Variants in LIMCH1 observed in about 807,000 individuals in gnomAD.
LIMCH1 encodes LIM and calponin homology domains-containing protein 1.
LIMCH1 carries 113 observed loss-of-function variants against 176.5 expected under a neutral mutation model. The ratio of observed to expected loss-of-function variants is 0.64; its 90% CI spans 0.55 to 0.75. The LOEUF (loss-of-function observed/expected upper bound fraction) is 0.75. LIMCH1 is among the 30% of genes least tolerant of loss of function. LIMCH1 has a pLI of 0.00. For missense variants in LIMCH1, 1,674 were observed against 1,814.9 expected (o/e 0.92, Z 1.41); for synonymous variants, 619 against 645.9 (o/e 0.96, Z 0.63).
chr4:41,378,194 G>A (rs1463537480), intron 1 of LIMCH1, among the ~76,000 whole-genome samples: 1 of 152,192 alleles, frequency 6.6e-6, no homozygotes, highest in African/African-American at 2.4e-5. Flanking sequence ...GGAGAGTGCT[G>A]CTGGAAGAAG....
At chr4:41,529,678 G>A (rs1279478244) in intron 3 of LIMCH1, among the ~76,000 whole-genome samples, 1 of 152,158 alleles carries the variant, frequency 6.6e-6, no homozygotes, top group South Asian at 2.1e-4. Flanking sequence ...TTGAAGATGG[G>A]ACACATTTTA....
rs568705398 is a variant in LIMCH1, at chr4:41,490,100, T to A, written c.97-4436T>A. On this transcript the variant is annotated intron_variant, in intron 1 of 26. Transcript: ENST00000313860. ...GGAGGAGGAGGGGTTGGTCTCGCTG[T>A]CTCAGGGGTGGCAGAGACAGAAGAG... Among the ~76,000 whole-genome samples, 8 of 152,036 alleles carry A rather than the reference T, an allele frequency of 5.3e-5. No homozygotes were observed. In the South Asian group the frequency reaches 1.7e-3, roughly 32 times the overall value.
intron 1 of LIMCH1, among the ~76,000 whole-genome samples, chr4:41,544,586 A>G (rs1157685514): frequency 6.6e-6 from 1 of 152,032 alleles, no homozygotes; most frequent in Non-Finnish European, 1.5e-5. Flanking sequence ...GTTTTCTATT[A>G]CCTAGTTACC....
At chr4:41,413,285 A>G (rs1279198130) in intron 1 of LIMCH1, among the ~76,000 whole-genome samples, 2 of 145,666 alleles carry the variant, frequency 1.4e-5, no homozygotes, top group Non-Finnish European at 3.0e-5. Flanking sequence ...AAGTTACCTT[A>G]TGGCCAAATG....
intron 1 of LIMCH1, among the ~76,000 whole-genome samples, chr4:41,461,407 A>G (rs1005414520): frequency 5.3e-5 from 8 of 152,208 alleles, no homozygotes; most frequent in South Asian, 2.1e-4. Flanking sequence ...TGGATGTTCT[A>G]TTGTGAGTTG....
intron 20 of LIMCH1, 103 bp downstream of exon 20, chr4:41,663,087 T>C: frequency 1.9e-6 from 2 of 1,050,848 alleles, no homozygotes; most frequent in East Asian, 5.2e-5. Flanking sequence ...AAGATTTATT[T>C]CTCTCCTCAT....
rs921694552 is a variant in LIMCH1, at chr4:41,494,601, C to G, written c.162C>G (p.Leu54=). The G allele has an allele frequency of 7.5e-6, 12 of 1,607,312 alleles. No homozygotes were observed. In the African/African-American group the frequency reaches 1.1e-4, roughly 14 times the overall value. Residue 54 remains leucine (L), a synonymous_variant, in exon 2 of 27, where the codon CTC becomes CTG. Transcript: ENST00000313860. ...CAGGTTTAGAAAATGGAATCCTCCT[C>G]TGCGAGTAAGTATAGCCTATATTCA...
chr4:41,673,755 A>G lies in LIMCH1; in HGVS notation c.3438+2161A>G, dbSNP rs570107769. Reference sequence around the variant, plus strand: ...AGGTCTTGGGGTAGATAGGAGGATGAGGGGCTCTTCCTGCCTCCTGAAGAA... The same window carrying G: ...AGGTCTTGGGGTAGATAGGAGGATGGGGGGCTCTTCCTGCCTCCTGAAGAA... On this transcript the variant is annotated intron_variant, in intron 22 of 31. Coordinates refer to ENST00000503057, the MANE Select transcript of LIMCH1 (RefSeq NM_001330672.2). Among the ~76,000 whole-genome samples, 4 of 152,330 alleles carry G rather than the reference A, an allele frequency of 2.6e-5. No homozygotes were observed. In the South Asian group the frequency reaches 8.3e-4, roughly 32 times the overall value.
chr4:41,694,735 C>G (rs1487417503), intron 31 of LIMCH1, among the ~76,000 whole-genome samples: 3 of 151,990 alleles, frequency 2.0e-5, no homozygotes, highest in African/African-American at 7.3e-5. Flanking sequence ...GTGAATATTT[C>G]AGAGCATCTC....
chr4:41,591,126 A>G (rs1224645108), intron 1 of LIMCH1, among the ~76,000 whole-genome samples: 1 of 152,208 alleles, frequency 6.6e-6, no homozygotes, highest in African/African-American at 2.4e-5. Flanking sequence ...TCCTAACAAG[A>G]TCTGGGTCTT....
At chr4:41,481,470 C>G (rs920269124) in intron 1 of LIMCH1, among the ~76,000 whole-genome samples, 1 of 152,076 alleles carries the variant, frequency 6.6e-6, no homozygotes, top group Non-Finnish European at 1.5e-5. Flanking sequence ...AGGGGTTGTG[C>G]GTATAACCTG....
At chr4:41,637,978 T>G (rs1039542167) in intron 13 of LIMCH1, among the ~76,000 whole-genome samples, 2 of 152,220 alleles carry the variant, frequency 1.3e-5, no homozygotes, top group African/African-American at 4.8e-5. Flanking sequence ...GGACGTATTT[T>G]CTTCACTATT....
chr4:41,382,231 A>G (rs1004774644), intron 1 of LIMCH1, among the ~76,000 whole-genome samples: 4 of 152,176 alleles, frequency 2.6e-5, no homozygotes, highest in African/African-American at 9.7e-5. Flanking sequence ...ATGGAACTGG[A>G]CAATTGGAAG....
chr4:41,476,033 A>T (rs2067686371), intron 1 of LIMCH1, among the ~76,000 whole-genome samples: 1 of 152,162 alleles, frequency 6.6e-6, no homozygotes, highest in Admixed American at 6.5e-5. Flanking sequence ...GGGCAGTGGC[A>T]TGATTATAGC....
intron 1 of LIMCH1, among the ~76,000 whole-genome samples, chr4:41,585,765 T>C (rs989007325): frequency 5.9e-5 from 9 of 152,214 alleles, no homozygotes; most frequent in Non-Finnish European, 1.2e-4. Context: ...TTGTGTTTGA[T>C]TTGCCTGTTA....
chr4:41,503,983 A>G (rs148818349), intron 2 of LIMCH1, among the ~76,000 whole-genome samples: 17 of 152,276 alleles, frequency 1.1e-4, no homozygotes, highest in African/African-American at 4.1e-4. Context: ...CTCTCTCCCA[A>G]TGACAGCTCT....
chr4:41,427,511 A>G lies in LIMCH1; in HGVS notation c.96+66575A>G, dbSNP rs564542872. On this transcript the variant is annotated intron_variant, in intron 1 of 26. Transcript: ENST00000313860. ...GGCAAGAAATCACTTGGTTCCGAGCAGTGACCTCCGCTGGGCCAGACAGTT... is the reference window on the plus strand; with the variant it reads ...GGCAAGAAATCACTTGGTTCCGAGCGGTGACCTCCGCTGGGCCAGACAGTT... 2.6e-5 allele frequency among the ~76,000 whole-genome samples: 4 copies of G among 152,320 alleles called. No homozygotes were observed. The South Asian group carries it at 8.3e-4, about 32-fold the overall frequency.
chr4:41,360,301 T>G (rs2051813712), upstream of LIMCH1, among the ~76,000 whole-genome samples: 1 of 152,022 alleles, frequency 6.6e-6, no homozygotes, highest in Non-Finnish European at 1.5e-5. The surrounding 1 kb of genome is among the most constrained non-coding windows in gnomAD (Gnocchi z 4.5). Context: ...CTGCAGGTGC[T>G]GCGCGGCCAG....
rs137903903 is a variant in LIMCH1, at chr4:41,620,312, T to C, written c.459-112T>C. The C allele has an allele frequency of 4.1e-4, 435 of 1,066,432 alleles. 2 individuals are homozygous for C. In the African/African-American group the frequency reaches 6.4e-3, roughly 16 times the overall value. 66.1% of individuals were successfully genotyped at this position (1,066,432 alleles called of 1,614,324 possible). A position where few individuals can be genotyped will look rare whatever the true frequency, so the allele number is the denominator to read the frequency against. On this transcript the variant is annotated intron_variant, in intron 6 of 31. Coordinates refer to ENST00000503057, the MANE Select transcript of LIMCH1 (RefSeq NM_001330672.2). ...ATTATCAGGATTATATTGTGTGCTA[T>C]GACTTTCTTTTCTAAAGTGAAAAGT...
Sources: allele counts gnomAD v4.1 joint callset (sites outside exome capture counted in the v4.1 genomes callset), GRCh38; gene constraint gnomAD v4.1.1; non-coding constraint Gnocchi (gnomAD v3.1); transcripts MANE v1.5; gene names NCBI Gene and HGNC (gene_info 2026-07-23, HGNC 2026-07-21).